CAST: variants seen among roughly 807,000 people sequenced by gnomAD.
CAST encodes the protein MIR583 host.
In CAST, 76 loss-of-function variants were observed where a neutral mutation model predicts 119.6. The observed-to-expected ratio is 0.64, with a 90% CI of 0.53 to 0.77. CAST has a LOEUF of 0.77. CAST is among the 30% of genes least tolerant of loss of function. The pLI, the probability that CAST is intolerant of heterozygous loss-of-function variation, is 0.00. For synonymous variants in CAST, 319 were observed against 331.6 expected (o/e 0.96, Z 0.41); for missense variants, 953 against 946.5 (o/e 1.01, Z -0.09).
chr5:96,410,875 T>C, the CAST span: 2 of 1,614,068 alleles, frequency 1.2e-6, no homozygotes, highest in South Asian at 1.1e-5. Flanking sequence ...GAGGCACTGC[T>C]GATGGAGATG....
intron 1 of CAST, among the ~76,000 whole-genome samples, chr5:96,592,605 G>GTTTTT (rs1024107119): frequency 6.6e-6 from 1 of 151,538 alleles, no homozygotes; most frequent in African/African-American, 2.4e-5. Context: ...TCTCTCTATA[G>GTTTTT]TTTTTTTTCC....
Position 96,765,327 on chromosome 5 carries a change from T to TAAA in CAST, c.2037+26_2037+28dup, listed in dbSNP as rs59338324. 10 of 512,278 alleles carry TAAA rather than the reference T, an allele frequency of 2.0e-5. No individual in the cohort carries two copies. Among genetic ancestry groups the TAAA allele is most frequent in the South Asian group, 8.9e-5 (3 of 33,760 alleles). The allele number at this position is 512,278 out of a possible 1,614,324, so 31.7% of individuals were successfully genotyped here. ...AAACCAATGGAAGATAAAGTAAAGGTAAAAAAAAAAAAAAAAAAAAAAAAA... is the reference window on the plus strand; with the variant it reads ...AAACCAATGGAAGATAAAGTAAAGGTAAAAAAAAAAAAAAAAAAAAAAAAAAAA... On this transcript the variant is annotated splice_region_variant and intron_variant, in intron 26 of 31. Transcript: ENST00000675179.
At chr5:96,397,748 G>C in the CAST span, among the ~76,000 whole-genome samples, 2 of 151,908 alleles carry the variant, frequency 1.3e-5, no homozygotes, top group African/African-American at 4.8e-5. Flanking sequence ...TGTTGACTAA[G>C]GTTTATTTAA....
chr5:96,468,280 T>C, the CAST span, among the ~76,000 whole-genome samples: 1 of 151,856 alleles, frequency 6.6e-6, no homozygotes, highest in Non-Finnish European at 1.5e-5. Flanking sequence ...TGAGGTACAA[T>C]GTATACTACT....
chr5:96,471,688 C>T, the CAST span, among the ~76,000 whole-genome samples: 1 of 151,904 alleles, frequency 6.6e-6, no homozygotes, highest in African/African-American at 2.4e-5. Context: ...CAAACAAAAA[C>T]AAGATCTCAA....
the CAST span, among the ~76,000 whole-genome samples, chr5:96,108,185 T>C: frequency 2.2e-4 from 31 of 142,658 alleles, no homozygotes; most frequent in African/African-American, 4.0e-4. Context: ...TCCCGTAGCT[T>C]GGAGTAATTT....
the CAST span, among the ~76,000 whole-genome samples, chr5:96,088,106 T>A: frequency 2.9e-3 from 440 of 152,338 alleles, 2 homozygotes; most frequent in Non-Finnish European, 4.9e-3. Flanking sequence ...AATACTCAGC[T>A]CTATACAGCA....
At chr5:96,320,181 C>T in the CAST span, among the ~76,000 whole-genome samples, 1 of 150,212 alleles carries the variant, frequency 6.7e-6, no homozygotes, top group East Asian at 2.0e-4. Flanking sequence ...GCAGCTGAGA[C>T]TGACAGCTCA....
the CAST span, among the ~76,000 whole-genome samples, chr5:95,968,380 G>A: frequency 2.0e-5 from 3 of 152,104 alleles, no homozygotes; most frequent in Non-Finnish European, 4.4e-5. Context: ...AGAACCCTTG[G>A]TATAACAAAT....
At chr5:96,158,595 G>C in the CAST span, among the ~76,000 whole-genome samples, 1 of 152,208 alleles carries the variant, frequency 6.6e-6, no homozygotes, top group Non-Finnish European at 1.5e-5. Flanking sequence ...GCAAGTATCA[G>C]TTCTGCACAG....
At chr5:96,626,000 T>C (rs1428458056) in intron 1 of CAST, among the ~76,000 whole-genome samples, 9 of 152,058 alleles carry the variant, frequency 5.9e-5, no homozygotes, top group Non-Finnish European at 2.9e-5. Context: ...TCCTCAGGAG[T>C]CAGGCCTGCA....
chr5:96,167,331 G>A, the CAST span, among the ~76,000 whole-genome samples: 6 of 152,168 alleles, frequency 3.9e-5, no homozygotes, highest in South Asian at 1.0e-3. Context: ...ATGTGTAGTT[G>A]AGAATGGTGA....
At chr5:96,090,585 G>A in the CAST span, among the ~76,000 whole-genome samples, 597 of 152,090 alleles carry the variant, frequency 3.9e-3, 5 homozygotes, top group Middle Eastern at 0.014. Flanking sequence ...GTCTCCTGGG[G>A]CCTTCACTTT....
the CAST span, among the ~76,000 whole-genome samples, chr5:95,977,377 T>G: frequency 6.6e-6 from 1 of 152,380 alleles, no homozygotes; most frequent in Non-Finnish European, 1.5e-5. Context: ...CCCTCCTAAC[T>G]TAATCACCTT....
chr5:96,679,141 G>A (rs1323372557), intron 2 of CAST, among the ~76,000 whole-genome samples: 1 of 152,050 alleles, frequency 6.6e-6, no homozygotes, highest in Non-Finnish European at 1.5e-5. Context: ...TTATAAGTGT[G>A]AGCCACCACG....
the CAST span, among the ~76,000 whole-genome samples, chr5:95,962,574 T>C: frequency 6.6e-6 from 1 of 152,158 alleles, no homozygotes; most frequent in African/African-American, 2.4e-5. Flanking sequence ...GTGTTAGATC[T>C]TGTGGAGCAT....
intron 1 of CAST, among the ~76,000 whole-genome samples, chr5:96,571,010 C>G (rs1292265432): frequency 6.6e-6 from 1 of 152,130 alleles, no homozygotes; most frequent in Non-Finnish European, 1.5e-5. Flanking sequence ...AAGGTGGAAA[C>G]AAGTATATAT....
the CAST span, among the ~76,000 whole-genome samples, chr5:96,518,710 C>A: frequency 5.3e-5 from 8 of 152,146 alleles, no homozygotes; most frequent in East Asian, 1.5e-3. Context: ...CAACAGCAGG[C>A]ATCAAAAGAG....
At chr5:96,560,447 A>C (rs1005501343) in intron 1 of CAST, among the ~76,000 whole-genome samples, 117 of 151,998 alleles carry the variant, frequency 7.7e-4, no homozygotes, top group African/African-American at 2.8e-3. Context: ...AAATTTTTGC[A>C]ATCTACTCAT....
Sources: allele counts gnomAD v4.1 joint callset (sites outside exome capture counted in the v4.1 genomes callset), GRCh38; gene constraint gnomAD v4.1.1; transcripts MANE v1.5; gene names NCBI Gene and HGNC (gene_info 2026-07-23, HGNC 2026-07-21).